DLGAP3: variants seen among roughly 807,000 people sequenced by gnomAD.
DLGAP3 encodes the protein disks large-associated protein 3.
In DLGAP3, 17 loss-of-function variants were observed where a neutral mutation model predicts 81.2. The observed-to-expected ratio is 0.21, with a 90% CI of 0.14 to 0.31. The LOEUF (loss-of-function observed/expected upper bound fraction) is 0.31. DLGAP3 is among the 10% of genes least tolerant of loss of function. The pLI, the probability that DLGAP3 is intolerant of heterozygous loss-of-function variation, is 1.00. For synonymous variants in DLGAP3, 577 were observed against 587.4 expected, an observed-to-expected ratio of 0.98 and a Z score of 0.26; for missense variants, 1,124 against 1,388.0, an observed-to-expected ratio of 0.81 and a Z score of 3.02.
chr1:34,866,282 G>T lies in DLGAP3; in HGVS notation c.2741C>A (p.Pro914Gln). 6.5e-7 allele frequency: 1 copy of T among 1,534,422 alleles called. No individual in the cohort carries two copies. The change falls in exon 12 of 12, where the codon CCG becomes CAG. Residue 914 changes from proline to glutamine, a missense_variant. Around this residue, in one of 9 missense-constraint regions of DLGAP3, gnomAD observed 133 missense variants for 171.1 expected, o/e 0.78. Transcript: ENST00000373347. Reference sequence around the variant, plus strand: ...CCGCAGGGGCTTCTTTGGTATCGGCGGAGGGACCTTCTTCTCCTCCTGCGG... The same window carrying T: ...CCGCAGGGGCTTCTTTGGTATCGGCTGAGGGACCTTCTTCTCCTCCTGCGG... ...LEPKEEKKVP[P>Q]PIPKKPLRGR...
intron 1 of DLGAP3, among the ~76,000 whole-genome samples, chr1:34,920,230 C>G (rs1377878630): frequency 6.6e-6 from 1 of 152,182 alleles, no homozygotes; most frequent in Non-Finnish European, 1.5e-5. Flanking sequence ...TTGTTCAAGA[C>G]CTGGCTCCCA....
chr1:34,928,730 C>A (rs949873426), intron 1 of DLGAP3, among the ~76,000 whole-genome samples: 1 of 151,856 alleles, frequency 6.6e-6, no homozygotes, highest in African/African-American at 2.4e-5. Context: ...CGCGCGCACA[C>A]GCACACACAC....
At chr1:34,916,436 G>A (rs541252447) in intron 1 of DLGAP3, among the ~76,000 whole-genome samples, 8 of 152,304 alleles carry the variant, frequency 5.3e-5, no homozygotes, top group African/African-American at 1.9e-4. Flanking sequence ...CAGACCCAGT[G>A]TTAAGCGCTT....
chr1:34,925,258 G>C (rs1639854736), intron 1 of DLGAP3: 1 of 152,286 alleles, frequency 6.6e-6, no homozygotes, highest in Non-Finnish European at 1.5e-5. Flanking sequence ...AGGGAACCTT[G>C]AGAGAGGACC....
intron 1 of DLGAP3, among the ~76,000 whole-genome samples, chr1:34,926,480 C>T (rs560117455): frequency 2.0e-5 from 3 of 152,316 alleles, no homozygotes; most frequent in African/African-American, 7.2e-5. Context: ...GAAATCAAGA[C>T]ATAATGCTTG....
intron 1 of DLGAP3, among the ~76,000 whole-genome samples, chr1:34,921,363 A>G (rs1639793278): frequency 6.6e-6 from 1 of 152,232 alleles, no homozygotes; most frequent in Non-Finnish European, 1.5e-5. Context: ...CTGTTCCCAC[A>G]GTTGCTCACC....
intron 1 of DLGAP3, among the ~76,000 whole-genome samples, chr1:34,911,030 C>A (rs967679058): frequency 1.1e-4 from 16 of 150,642 alleles, no homozygotes; most frequent in African/African-American, 2.7e-4. Flanking sequence ...CCACCCCCCC[C>A]CCACCACCTT....
chr1:34,916,486 G>T (rs1449369209), intron 1 of DLGAP3, among the ~76,000 whole-genome samples: 2 of 152,126 alleles, frequency 1.3e-5, no homozygotes, highest in Non-Finnish European at 2.9e-5. Flanking sequence ...ACTATCCTTT[G>T]CAGTAGGCAC....
In DLGAP3 at chr1:34,900,057, CCT is replaced by C. The variant is rs781418434; in HGVS notation, c.1313+9_1313+10del. 280 of 1,611,716 alleles carry C rather than the reference CCT, an allele frequency of 1.7e-4. No individual in the cohort carries two copies. In the African/African-American group the frequency reaches 3.0e-3, roughly 17 times the overall value. On this transcript the variant is annotated intron_variant, in intron 4 of 11. Coordinates refer to ENST00000373347, the MANE Select transcript of DLGAP3 (RefSeq NM_001080418.3). This position sits in a 1 kb window ranked among gnomAD's most constrained non-coding sequence, Gnocchi z 5.6. ...CCTGACCCCGCACCCCCCGGCCCTCCCTGTCCTTACTTGATCCTGGCCTGGTC... is the reference window on the plus strand; with the variant it reads ...CCTGACCCCGCACCCCCCGGCCCTCCGTCCTTACTTGATCCTGGCCTGGTC...
chr1:34,886,050 A>G (rs374750680), intron 6 of DLGAP3, 22 bp downstream of exon 6: 3 of 1,579,544 alleles, frequency 1.9e-6, no homozygotes, highest in Admixed American at 1.9e-5. Context: ...GGGCCGGGCC[A>G]GGGGCAGGAA....
At position 34,900,196 on chromosome 1, in the gene DLGAP3, G is replaced by T. The variant is rs771833063; in HGVS notation, c.1185C>A (p.Gly395=). 1.2e-6 allele frequency: 2 copies of T among 1,614,144 alleles called. No individual in the cohort carries two copies. The highest frequency in any genetic ancestry group is 1.7e-6 in the Non-Finnish European group (2 of 1,180,046). ...CATCCCCCATGGCTTTGATGTAGCTGCCGCTCCGCATCCTGCGGCAGGGGA... is the reference window on the plus strand; with the variant it reads ...CATCCCCCATGGCTTTGATGTAGCTTCCGCTCCGCATCCTGCGGCAGGGGA... ...GEIPCRRMRS[G]SYIKAMGDEE... Residue 395 remains glycine, a synonymous_variant, in exon 4 of 12, where the codon GGC becomes GGA. Transcript: ENST00000373347. This position sits in a 1 kb window ranked among gnomAD's most constrained non-coding sequence, Gnocchi z 5.6.
In DLGAP3 at chr1:34,886,293, G is replaced by GCAGGGGGT. The variant is rs1313514749; in HGVS notation, c.1387-16_1387-9dup. 6.4e-7 allele frequency: 1 copy of GCAGGGGGT among 1,569,366 alleles called. No individual in the cohort carries two copies. The highest frequency in any genetic ancestry group is 2.4e-5 in the East Asian group (1 of 42,448). ...GTTCAACTCATCGCTGAGCTGGGGGGCAGGGGGTCGGGAGGACAGTTATAA... is the reference window on the plus strand; with the variant it reads ...GTTCAACTCATCGCTGAGCTGGGGGGCAGGGGGTCAGGGGGTCGGGAGGACAGTTATAA... On this transcript the variant is annotated splice_polypyrimidine_tract_variant and intron_variant, in intron 5 of 11. Transcript: ENST00000373347.
chr1:34,928,768 C>T (rs1042596990), intron 1 of DLGAP3, among the ~76,000 whole-genome samples: 4 of 151,732 alleles, frequency 2.6e-5, no homozygotes, highest in Non-Finnish European at 5.9e-5. Context: ...GGGCAGATAC[C>T]GGGACCCACT....
intron 5 of DLGAP3, among the ~76,000 whole-genome samples, chr1:34,887,921 C>T (rs1243231533): frequency 2.0e-5 from 3 of 152,208 alleles, no homozygotes; most frequent in African/African-American, 7.2e-5. Context: ...CCTCGGCTAG[C>T]GGCATGCGAA....
intron 2 of DLGAP3, among the ~76,000 whole-genome samples, chr1:34,907,063 C>T (rs1272679340): frequency 2.0e-5 from 3 of 152,146 alleles, no homozygotes; most frequent in Non-Finnish European, 4.4e-5. Context: ...TTCTCCCTAC[C>T]ACCACCTCCC....
At chr1:34,917,661 T>G (rs1639738286) in intron 1 of DLGAP3, among the ~76,000 whole-genome samples, 1 of 152,358 alleles carries the variant, frequency 6.6e-6, no homozygotes, top group Non-Finnish European at 1.5e-5. Context: ...TAGACTTTGA[T>G]GTTTGTGTGC....
intron 1 of DLGAP3, among the ~76,000 whole-genome samples, chr1:34,914,916 C>T (rs531865831): frequency 3.4e-4 from 52 of 152,292 alleles, no homozygotes; most frequent in African/African-American, 1.2e-3. Context: ...CTCCCACACC[C>T]TAAGCGTACC....
chr1:34,928,681 C>T (rs761219824), intron 1 of DLGAP3, among the ~76,000 whole-genome samples: 25 of 152,080 alleles, frequency 1.6e-4, no homozygotes, highest in Non-Finnish European at 3.1e-4. Context: ...CAGAGTGAAC[C>T]GCGCTCAGAT....
At chr1:34,922,823 A>T (rs967089695) in intron 1 of DLGAP3, among the ~76,000 whole-genome samples, 2 of 152,138 alleles carry the variant, frequency 1.3e-5, no homozygotes, top group African/African-American at 4.8e-5. Context: ...CAAGTACATC[A>T]CAAGTTTGCA....
Sources: allele counts gnomAD v4.1 joint callset (sites outside exome capture counted in the v4.1 genomes callset), GRCh38; gene constraint gnomAD v4.1.1; regional missense constraint gnomAD v4.1.1; non-coding constraint Gnocchi (gnomAD v3.1); transcripts MANE v1.5; gene names NCBI Gene and HGNC (gene_info 2026-07-23, HGNC 2026-07-21).